The following DHDH variants were observed in gnomAD, a reference collection of about 807,000 sequenced individuals.
DHDH encodes the protein dihydrodiol dehydrogenase.
A neutral mutation model predicts 33.2 loss-of-function variants in DHDH; 29 were observed. The observed-to-expected ratio is 0.87, with a 90% CI of 0.65 to 1.19. DHDH has a LOEUF of 1.19. DHDH is among the 50% of genes most tolerant of loss of function. The pLI is 0.00. For synonymous variants in DHDH, 201 were observed against 187.9 expected, an observed-to-expected ratio of 1.07 and a Z score of -0.57; for missense variants, 431 against 455.0, an observed-to-expected ratio of 0.95 and a Z score of 0.48.
chr19:48,939,003 G>A (rs1330902996), intron 3 of DHDH, among the ~76,000 whole-genome samples: 1 of 152,012 alleles, frequency 6.6e-6, no homozygotes, highest in Non-Finnish European at 1.5e-5. Context: ...TGAAAACCCT[G>A]TGGCCACAAC....
chr19:48,936,272 G>C, intron 3 of DHDH, 77 bp downstream of exon 3: 3 of 1,459,096 alleles, frequency 2.1e-6, no homozygotes, highest in Non-Finnish European at 2.7e-6. Context: ...GCGCGGACGG[G>C]GTCAGTGCAT....
intron 5 of DHDH, among the ~76,000 whole-genome samples, chr19:48,943,097 G>T (rs188931215): frequency 1.3e-5 from 2 of 151,690 alleles, no homozygotes; most frequent in Admixed American, 1.3e-4. Flanking sequence ...CTTGGGCCTG[G>T]CCGGCACGGT....
Position 48,941,985 on chromosome 19 carries a change from C to CGTGTGTGTGT in DHDH, c.620-421_620-412dup, listed in dbSNP as rs60467743. ...ACTGTGCACAGCCAAGACTGTACTT[C>CGTGTGTGTGT]GTGTGTGTGTGTGTGTGTGTGTGTG... On this transcript the variant is annotated intron_variant, in intron 4 of 6. Transcript: ENST00000221403. Among the ~76,000 whole-genome samples the CGTGTGTGTGT allele has an allele frequency of 1.7e-3, 231 of 132,230 alleles. 2 individuals carry two copies. Among genetic ancestry groups the CGTGTGTGTGT allele is most frequent in the African/African-American group, 6.5e-3 (219 of 33,872 alleles). 86.7% of individuals were successfully genotyped at this position (132,230 alleles called of 152,430 possible).
intron 3 of DHDH, among the ~76,000 whole-genome samples, chr19:48,938,691 C>T (rs928429089): frequency 5.4e-5 from 8 of 149,274 alleles, no homozygotes; most frequent in Admixed American, 4.0e-4. Context: ...GTCGCCCAGG[C>T]TGGAGTGCAA....
At chr19:48,937,671 G>C (rs2037798337) in intron 3 of DHDH, among the ~76,000 whole-genome samples, 1 of 151,972 alleles carries the variant, frequency 6.6e-6, no homozygotes, top group Non-Finnish European at 1.5e-5. Flanking sequence ...AATTAGCCGG[G>C]CGTGGTGGCG....
intron 3 of DHDH, among the ~76,000 whole-genome samples, 183 bp downstream of exon 3, chr19:48,936,378 G>A (rs959111289): frequency 3.9e-5 from 6 of 152,166 alleles, no homozygotes; most frequent in African/African-American, 1.4e-4. Context: ...TACTGAAATT[G>A]CTTGGATCTT....
rs1568595268 is a variant in DHDH at position 48,936,046 on chromosome 19, G to T, written c.217G>T (p.Gly73Cys). 1 of 1,603,972 alleles carries T rather than the reference G, an allele frequency of 6.2e-7. No individual in the cohort carries two copies. Among genetic ancestry groups the T allele is most frequent in the South Asian group, 1.1e-5 (1 of 89,080 alleles). ...TCCCACCCTAGAGGTGGCCTACATT[G>T]GCACCCAGCACCCCCAGCACAAGGC... ...KDPSVEVAYIGTQHPQHKAAV... is the reference protein window; with the variant it reads ...KDPSVEVAYICTQHPQHKAAV... The change falls in exon 3 of 7, where the codon GGC (glycine) becomes TGC (cysteine). Residue 73 changes from glycine to cysteine, a missense_variant. Gly to Cys is a radical substitution (Grantham distance 159). Transcript: ENST00000221403.
chr19:48,938,885 C>T (rs1041011662), intron 3 of DHDH, among the ~76,000 whole-genome samples: 50 of 152,158 alleles, frequency 3.3e-4, no homozygotes, highest in African/African-American at 1.2e-3. Flanking sequence ...AGGCTGGTCT[C>T]GAACTCCTGA....
chr19:48,938,529 T>G (rs2037811854), intron 3 of DHDH, among the ~76,000 whole-genome samples: 1 of 152,126 alleles, frequency 6.6e-6, no homozygotes, highest in Non-Finnish European at 1.5e-5. Flanking sequence ...CACTAGGAGA[T>G]GCACACGTAA....
chr19:48,938,085 T>A (rs2037805629), intron 3 of DHDH, among the ~76,000 whole-genome samples: 1 of 152,062 alleles, frequency 6.6e-6, no homozygotes, highest in Non-Finnish European at 1.5e-5. Context: ...GAGGTAGAAC[T>A]CTGGTTTTTG....
At position 48,939,616 on chromosome 19, in the gene DHDH, C is replaced by A. The variant is rs1297733936; in HGVS notation, c.534C>A (p.Gly178=). The change falls in exon 4 of 7, where the codon GGC becomes GGA. Residue 178 remains glycine (G), a synonymous_variant. Transcript: ENST00000221403. ...AQAGGALLDI[G]IYCVQFTSMV... Reference sequence around the variant, plus strand: ...CTGGGGGGGCCCTGCTGGACATCGGCATCTACTGTGTCCAGTTCACCTCCA... The same window carrying A: ...CTGGGGGGGCCCTGCTGGACATCGGAATCTACTGTGTCCAGTTCACCTCCA... The A allele has an allele frequency of 5.6e-6, 9 of 1,614,118 alleles. No homozygotes were observed. In the East Asian group the frequency reaches 2.0e-4, roughly 36 times the overall value.
Position 48,944,420 on chromosome 19 carries a change from C to T in DHDH, c.808C>T (p.Leu270=). The T allele has an allele frequency of 1.2e-6, 2 of 1,614,158 alleles. No individual in the cohort carries two copies. Among genetic ancestry groups the T allele is most frequent in the Non-Finnish European group, 1.7e-6 (2 of 1,180,004 alleles). Residue 270 remains leucine, a synonymous_variant, in exon 6 of 7, where the codon CTG becomes TTG. Coordinates refer to ENST00000221403, the MANE Select transcript of DHDH (RefSeq NM_014475.4). ...GAAGGGGGAGCATAAGGAGTTCCCG[C>T]TGCCCCCAGTCCCAAAGGACTGCAA... ...VVKGEHKEFP[L]PPVPKDCNFD... is the part of the protein sequence containing the mutation.
intron 2 of DHDH, among the ~76,000 whole-genome samples, chr19:48,935,644 C>A (rs2037761308): frequency 6.6e-6 from 1 of 151,352 alleles, no homozygotes; most frequent in South Asian, 2.1e-4. Flanking sequence ...GGTGAAACCG[C>A]ATCTCCACTA....
chr19:48,934,641 T>C (rs1470022045), intron 1 of DHDH, among the ~76,000 whole-genome samples: 1 of 152,184 alleles, frequency 6.6e-6, no homozygotes, highest in East Asian at 1.9e-4. Context: ...AAATCTAGCC[T>C]ACGTGCACAT....
At chr19:48,933,549 G>A (rs1384541370), upstream of DHDH, 1 of 624,800 alleles carries the variant, frequency 1.6e-6, no homozygotes, top group African/African-American at 1.8e-5. Context: ...CGGTGCATTC[G>A]CCCAGCGGGG....
intron 5 of DHDH, 45 bp downstream of exon 5, chr19:48,942,609 T>C (rs764132072): frequency 2.5e-6 from 4 of 1,589,658 alleles, no homozygotes; most frequent in African/African-American, 1.3e-5. Flanking sequence ...GCCCCTAAAA[T>C]AGGAGGGGGA....
intron 3 of DHDH, among the ~76,000 whole-genome samples, chr19:48,938,265 T>G (rs780729596): frequency 1.3e-4 from 20 of 151,652 alleles, no homozygotes; most frequent in Non-Finnish European, 2.7e-4. Flanking sequence ...CCCGGCTAAT[T>G]TTTGTATTTG....
intron 6 of DHDH, 38 bp from the exon 7 acceptor site, chr19:48,944,786 G>C (rs750969106): frequency 1.3e-6 from 2 of 1,571,948 alleles, no homozygotes; most frequent in African/African-American, 1.4e-5. Flanking sequence ...TCTTGGGCGC[G>C]TGGGTAGGAG....
chr19:48,944,209 G>T, intron 5 of DHDH, 148 bp from the exon 6 acceptor site: 1 of 1,016,770 alleles, frequency 9.8e-7, no homozygotes, highest in Non-Finnish European at 1.4e-6. Context: ...ATGAAGGAGG[G>T]TCCAAAGCTC....
Sources: gnomAD v4.1 joint callset for allele counts (sites outside exome capture counted in the v4.1 genomes callset) on GRCh38, gnomAD v4.1.1 for gene constraint, MANE v1.5 for transcripts, NCBI Gene and HGNC (gene_info 2026-07-23, HGNC 2026-07-21) for gene names.